ABHD2: variants seen among roughly 807,000 people sequenced by gnomAD.
ABHD2 encodes the protein abhydrolase domain containing 2, acylglycerol lipase.
In ABHD2, 20 loss-of-function variants were observed where a neutral mutation model predicts 48.1. The ratio of observed to expected loss-of-function variants is 0.42; its 90% confidence interval spans 0.29 to 0.60. The LOEUF (loss-of-function observed/expected upper bound fraction) is 0.60. Among genes scored for constraint, ABHD2 ranks in the 20% least tolerant of loss-of-function variants. ABHD2 has a pLI of 0.24. For missense variants in ABHD2, 405 were observed against 550.9 expected, an observed-to-expected ratio of 0.74 and a Z score of 2.65; for synonymous variants, 209 against 214.2, an observed-to-expected ratio of 0.98 and a Z score of 0.21.
chr15:89,111,015 C>T (rs1489025646), intron 1 of ABHD2, among the ~76,000 whole-genome samples: 1 of 152,124 alleles, frequency 6.6e-6, no homozygotes, highest in Non-Finnish European at 1.5e-5. Context: ...AGCTCTCTTT[C>T]CATTTTGGAA....
Position 89,116,177 on chromosome 15 carries a change from T to C in ABHD2, c.-6-145T>C. On this transcript the variant is annotated intron_variant, in intron 2 of 10. Transcript: ENST00000352732. This position sits in a 1 kb window ranked among gnomAD's most constrained non-coding sequence, Gnocchi z 4.6. ...GTAGCTGTAAGATGCTGGTGGTGTC[T>C]GCCTGTCAGGAGCCTGCGGAAACAT... is the stretch of plus-strand genomic sequence containing the variant. 1 of 693,816 alleles carries C rather than the reference T, an allele frequency of 1.4e-6. No homozygotes were observed. The allele number at this position is 693,816 out of a possible 1,614,324, so 43.0% of individuals were successfully genotyped here.
At chr15:89,193,459 G>T in intron 10 of ABHD2, 140 bp downstream of exon 10, 1 of 709,322 alleles carries the variant, frequency 1.4e-6, no homozygotes. Flanking sequence ...TTCTTATTCT[G>T]TGTAGCCTGA....
upstream of ABHD2, among the ~76,000 whole-genome samples, chr15:89,085,552 T>C (rs1391922517): frequency 6.6e-6 from 1 of 152,174 alleles, no homozygotes; most frequent in Non-Finnish European, 1.5e-5. The surrounding 1 kb of genome is among the most constrained non-coding windows in gnomAD (Gnocchi z 4.2). Context: ...GCAGAGAAGA[T>C]GCCCGGATCC....
At chr15:89,049,666 T>A in the ABHD2 span, among the ~76,000 whole-genome samples, 4 of 152,234 alleles carry the variant, frequency 2.6e-5, no homozygotes, top group African/African-American at 9.6e-5. Context: ...GTGGCTTCTG[T>A]CACCCTTTTC....
chr15:89,080,043 T>A, the ABHD2 span, among the ~76,000 whole-genome samples: 1 of 152,206 alleles, frequency 6.6e-6, no homozygotes, highest in Admixed American at 6.5e-5. Context: ...AGGCTGAGAA[T>A]ACTGGAGCCT....
rs1275801509 is a variant in ABHD2, at chr15:89,166,297, A to G, written c.539-9515A>G. 6.6e-6 allele frequency among the ~76,000 whole-genome samples: 1 copy of G among 152,124 alleles called. No homozygotes were observed. The highest frequency in any genetic ancestry group is 1.5e-5 in the Non-Finnish European group (1 of 68,032). On this transcript the variant is annotated intron_variant, in intron 5 of 10. Transcript: ENST00000352732. The surrounding 1 kb of genome is among the most constrained non-coding windows in gnomAD (Gnocchi z 4.6). ...GCATTTGGCATTGAAAATGGCCTCG[A>G]ATATTTAAATTGCTTTTTTCCTGTG... is the stretch of plus-strand genomic sequence containing the variant.
intron 5 of ABHD2, among the ~76,000 whole-genome samples, chr15:89,158,769 G>T (rs1020911641): frequency 5.3e-5 from 8 of 151,948 alleles, no homozygotes; most frequent in Non-Finnish European, 1.2e-4. Context: ...AGGGAGTGAA[G>T]TAGTGCAATC....
rs1596162305 is a variant in ABHD2 at position 89,188,437 on chromosome 15, G to A, written c.926+134G>A. The A allele has an allele frequency of 6.1e-6, 4 of 652,784 alleles. No homozygotes were observed. Among genetic ancestry groups the A allele is most frequent in the Non-Finnish European group, 1.0e-5 (4 of 382,448 alleles). 40.4% of individuals were successfully genotyped at this position (652,784 alleles called of 1,614,324 possible). A position where few individuals can be genotyped will look rare whatever the true frequency, so the allele number is the denominator to read the frequency against. Reference sequence around the variant, plus strand: ...AGGGTGTTTTTTTCCCTTTAAGTAAGTGTCTAGTGCTTAAAAACAGAAGAT... The same window carrying A: ...AGGGTGTTTTTTTCCCTTTAAGTAAATGTCTAGTGCTTAAAAACAGAAGAT... On this transcript the variant is annotated intron_variant, in intron 8 of 10. Transcript: ENST00000352732. This position sits in a 1 kb window ranked among gnomAD's most constrained non-coding sequence, Gnocchi z 4.1.
chr15:89,131,611 T>C (rs999909206), intron 3 of ABHD2, among the ~76,000 whole-genome samples: 1 of 152,054 alleles, frequency 6.6e-6, no homozygotes, highest in Non-Finnish European at 1.5e-5. Context: ...AAATTGATGA[T>C]TGGCACATAG....
intron 3 of ABHD2, among the ~76,000 whole-genome samples, chr15:89,128,360 C>T (rs2050168118): frequency 1.3e-5 from 2 of 152,190 alleles, no homozygotes; most frequent in Admixed American, 1.3e-4. Context: ...CTTTGCTGCC[C>T]AGGCCAACAC....
At chr15:89,053,174 G>A in the ABHD2 span, among the ~76,000 whole-genome samples, 9 of 151,870 alleles carry the variant, frequency 5.9e-5, no homozygotes, top group Non-Finnish European at 1.2e-4. Flanking sequence ...CACTGTGTTC[G>A]CCAGGATGGT....
chr15:89,136,857 A>G (rs1208204797), intron 3 of ABHD2, among the ~76,000 whole-genome samples: 1 of 152,236 alleles, frequency 6.6e-6, no homozygotes, highest in African/African-American at 2.4e-5. Flanking sequence ...AAGTAGCCAA[A>G]AGGCACTGTG....
chr15:89,132,520 G>A (rs1198420429), intron 3 of ABHD2, among the ~76,000 whole-genome samples: 1 of 152,226 alleles, frequency 6.6e-6, no homozygotes, highest in Non-Finnish European at 1.5e-5. Context: ...CTTTCAGATA[G>A]ATATAGATGA....
rs1208550527 is a variant in ABHD2, at chr15:89,189,891, A to C, written c.927-1189A>C. 1.3e-5 allele frequency among the ~76,000 whole-genome samples: 2 copies of C among 152,200 alleles called. No individual in the cohort carries two copies. The highest frequency in any genetic ancestry group is 4.8e-5 in the African/African-American group (2 of 41,450). On this transcript the variant is annotated intron_variant, in intron 8 of 10. Coordinates refer to ENST00000352732, the MANE Select transcript of ABHD2 (RefSeq NM_152924.5). The surrounding 1 kb of genome is among the most constrained non-coding windows in gnomAD (Gnocchi z 4.9). ...AGTCTTTCCTCTTTAATAGCGTTGG[A>C]AAATAGCAGTTTTATGATCATAACC...
the ABHD2 span, among the ~76,000 whole-genome samples, chr15:89,079,461 G>T: frequency 5.8e-5 from 1 of 17,260 alleles, no homozygotes; most frequent in Non-Finnish European, 1.3e-4. The surrounding 1 kb of genome is among the most constrained non-coding windows in gnomAD (Gnocchi z 4.3). Flanking sequence ...ACTTCTACAT[G>T]GCAAAATAAA....
intron 6 of ABHD2, among the ~76,000 whole-genome samples, chr15:89,180,767 C>T (rs532199213): frequency 2.0e-4 from 30 of 152,256 alleles, no homozygotes; most frequent in African/African-American, 6.3e-4. Flanking sequence ...TGGTTTTGCC[C>T]CCACTGCAGG....
chr15:89,183,743 C>T (rs1462866145), intron 6 of ABHD2, among the ~76,000 whole-genome samples: 1 of 152,170 alleles, frequency 6.6e-6, no homozygotes, highest in African/African-American at 2.4e-5. Context: ...CCTCCCTTCC[C>T]TACCTCTGCA....
At chr15:89,050,222 C>T in the ABHD2 span, among the ~76,000 whole-genome samples, 3 of 152,156 alleles carry the variant, frequency 2.0e-5, no homozygotes, top group African/African-American at 7.2e-5. Flanking sequence ...AGAAGCCACA[C>T]ACATGAACCC....
chr15:89,079,178 A>G, the ABHD2 span, among the ~76,000 whole-genome samples: 1 of 152,222 alleles, frequency 6.6e-6, no homozygotes, highest in African/African-American at 2.4e-5. This position sits in a 1 kb window ranked among gnomAD's most constrained non-coding sequence, Gnocchi z 4.3. Context: ...TAGATTTACC[A>G]AGCAAGAAAA....
Sources: gnomAD v4.1 joint callset for allele counts (sites outside exome capture counted in the v4.1 genomes callset) on GRCh38, gnomAD v4.1.1 for gene constraint, Gnocchi (gnomAD v3.1) non-coding constraint, MANE v1.5 for transcripts, NCBI Gene and HGNC (gene_info 2026-07-23, HGNC 2026-07-21) for gene names.